TPR: variants seen among roughly 807,000 people sequenced by gnomAD.
The protein encoded by TPR is translocated promoter region, nuclear basket protein, also known as nucleoprotein TPR.
A neutral mutation model predicts 316.1 loss-of-function variants in TPR; 51 were observed. That is an observed-to-expected ratio of 0.16 (90% confidence interval 0.13 to 0.20). The LOEUF is 0.20. Ranked by LOEUF, TPR falls within the 10% of genes least tolerant of loss-of-function variation. The probability of loss-of-function intolerance (pLI) is 1.00; values close to 1 mark genes in which losing one functional copy is unlikely to be tolerated. For missense variants in TPR, 2,272 were observed against 2,754.8 expected (o/e 0.82, Z 3.92); for synonymous variants, 981 against 914.7 (o/e 1.07, Z -1.31).
At chr1:186,361,478 C>T in intron 9 of TPR, 144 bp downstream of exon 9, 1 of 673,458 alleles carries the variant, frequency 1.5e-6, no homozygotes, top group Non-Finnish European at 2.4e-6. Flanking sequence ...TCTGAATTTC[C>T]TAATCCAAAG....
intron 27 of TPR, 36 bp downstream of exon 27, chr1:186,343,290 T>C (rs1329220673): frequency 1.3e-6 from 2 of 1,587,404 alleles, no homozygotes; most frequent in Admixed American, 1.9e-5. Context: ...TCTCTTTTGA[T>C]TTAACAAGTG....
rs1240224570 is a variant in TPR, at chr1:186,351,436, T to C, written c.2504A>G (p.Gln835Arg). The C allele has an allele frequency of 1.9e-6, 3 of 1,610,626 alleles. No individual in the cohort carries two copies. The highest frequency in any genetic ancestry group is 1.7e-6 in the Non-Finnish European group (2 of 1,178,598). ...ILERSETETK[Q>R]RLSSQIEKLE... ...TTTTTCTATCTGGCTACTAAGCCTT[T>C]GTTTGGTTTCTGTTTCAGATCGCTC... Residue 835 changes from glutamine (Q) to arginine (R), a missense_variant, in exon 20 of 51, where the codon CAA becomes CGA. Coordinates refer to ENST00000367478, the MANE Select transcript of TPR (RefSeq NM_003292.3).
At chr1:186,341,628 A>T (rs1294820408) in intron 27 of TPR, 1 of 442,458 alleles carries the variant, frequency 2.3e-6, no homozygotes, top group East Asian at 3.7e-5. Context: ...CCACCAACAA[A>T]GTATTAACAT....
At chr1:186,360,567 G>C (rs538681812) in intron 10 of TPR, among the ~76,000 whole-genome samples, 198 bp downstream of exon 10, 1 of 152,126 alleles carries the variant, frequency 6.6e-6, no homozygotes, top group South Asian at 2.1e-4. Context: ...GACTGTGTGT[G>C]ATCAAATGGT....
At chr1:186,373,224 A>G (rs1659585945) in intron 2 of TPR, 135 bp downstream of exon 2, 2 of 562,300 alleles carry the variant, frequency 3.6e-6, no homozygotes, top group African/African-American at 3.7e-5. Context: ...AAATCAAAAT[A>G]TCACCATAAT....
At chr1:186,336,342 G>T (rs1658340544) in intron 33 of TPR, among the ~76,000 whole-genome samples, 154 bp downstream of exon 33, 1 of 152,054 alleles carries the variant, frequency 6.6e-6, no homozygotes, top group Non-Finnish European at 1.5e-5. Flanking sequence ...ATTGCTCTTT[G>T]TGTCCAACTA....
At chr1:186,329,033 A>G (rs1363551956) in intron 39 of TPR, among the ~76,000 whole-genome samples, 1 of 152,226 alleles carries the variant, frequency 6.6e-6, no homozygotes, top group Non-Finnish European at 1.5e-5. Context: ...TCAAAGTGAC[A>G]TGCTTATTTC....
In TPR at chr1:186,361,718, T is replaced by C; in HGVS notation, c.871-9A>G. ...GAGTCATCAGCGGCACTCTAAAAGT[T>C]AATCTTAAAAAGTTACCTAACAGTC... On this transcript the variant is annotated splice_polypyrimidine_tract_variant and intron_variant, in intron 8 of 50. Transcript: ENST00000367478. The C allele has an allele frequency of 6.2e-7, 1 of 1,613,364 alleles. No individual in the cohort carries two copies. The highest frequency in any genetic ancestry group is 8.5e-7 in the Non-Finnish European group (1 of 1,179,434).
chr1:186,360,470 C>A, intron 10 of TPR, 106 bp from the exon 11 acceptor site: 1 of 1,188,216 alleles, frequency 8.4e-7, no homozygotes, highest in South Asian at 1.6e-5. Flanking sequence ...TATAGTAATT[C>A]CTATAAAAAT....
At chr1:186,368,085 C>T (rs1344845068) in intron 3 of TPR, 103 bp from the exon 4 acceptor site, 4 of 659,700 alleles carry the variant, frequency 6.1e-6, no homozygotes, top group African/African-American at 5.4e-5. Context: ...GTGTAAATGA[C>T]TGGCTTTCTC....
At chr1:186,364,030 A>C (rs993353511) in intron 4 of TPR, among the ~76,000 whole-genome samples, 1 of 152,180 alleles carries the variant, frequency 6.6e-6, no homozygotes, top group Non-Finnish European at 1.5e-5. Context: ...GTGTGACTCT[A>C]TTGTGAGCAG....
In TPR at chr1:186,312,925, G is replaced by A. The variant is rs752479638; in HGVS notation, c.*1046C>T. On this transcript the variant is annotated 3_prime_UTR_variant, in exon 51 of 51. Transcript: ENST00000367478. The stretch of plus-strand genomic sequence containing the variant: ...GTATTAACTAACAGTTTCCCAAGGA[G>A]GTGATATCATTTGTGAAAACATGAA... 1 of 1,593,286 alleles carries A rather than the reference G, an allele frequency of 6.3e-7. No homozygotes were observed. The highest frequency in any genetic ancestry group is 8.6e-7 in the Non-Finnish European group (1 of 1,161,336).
At chr1:186,344,904 T>C (rs1658629046) in intron 24 of TPR, among the ~76,000 whole-genome samples, 1 of 152,134 alleles carries the variant, frequency 6.6e-6, no homozygotes, top group Non-Finnish European at 1.5e-5. Flanking sequence ...TATTACATTT[T>C]AAAATAGCAA....
chr1:186,327,391 G>T, intron 40 of TPR, 69 bp downstream of exon 40: 2 of 1,478,896 alleles, frequency 1.4e-6, no homozygotes, highest in Non-Finnish European at 1.8e-6. Context: ...CAATGCATTA[G>T]TATCCCAAGG....
intron 4 of TPR, among the ~76,000 whole-genome samples, chr1:186,366,566 T>C (rs1043307060): frequency 1.3e-5 from 2 of 152,210 alleles, no homozygotes; most frequent in Non-Finnish European, 2.9e-5. Context: ...AAGGGTCAAC[T>C]GTAGTTCTCA....
chr1:186,365,426 T>C (rs748200402), intron 4 of TPR, among the ~76,000 whole-genome samples: 1 of 152,168 alleles, frequency 6.6e-6, no homozygotes, highest in Non-Finnish European at 1.5e-5. Context: ...CTTTTGACTT[T>C]AGACACTGTC....
chr1:186,337,984 A>G lies in TPR; in HGVS notation c.4362+49T>C, dbSNP rs1293692466. ...CAAAATTACAAAGAAATAAGATTTC[A>G]TAACATTCATCCTAGTTTTTTTTTG... On this transcript the variant is annotated intron_variant, in intron 31 of 50. Transcript: ENST00000367478. The G allele has an allele frequency of 5.6e-6, 8 of 1,426,254 alleles. No homozygotes were observed. In the African/African-American group the frequency reaches 7.2e-5, roughly 13 times the overall value. The allele number at this position is 1,426,254 out of a possible 1,614,324, so 88.3% of individuals were successfully genotyped here. A position where few individuals can be genotyped will look rare whatever the true frequency, so the allele number is the denominator to read the frequency against.
At chr1:186,332,970 G>T in intron 37 of TPR, 152 bp downstream of exon 37, 1 of 860,118 alleles carries the variant, frequency 1.2e-6, no homozygotes, top group Non-Finnish European at 1.7e-6. Flanking sequence ...AAGAATACTT[G>T]TGATACGTAT....
chr1:186,335,080 C>G lies in TPR; in HGVS notation c.4961G>C (p.Gly1654Ala). The part of the protein sequence containing the change: ...QITLKTTPAS[G>A]ERGIASTSDP... ...AACTAAAACTCACATTCCTCTTTCA[C>G]CAGAAGCTGGAGTTGTTTTCAATGT... The change falls in exon 35 of 51, where the codon GGT (glycine) becomes GCT (alanine). Residue 1654 changes from glycine to alanine, a missense_variant. This residue lies in a region of TPR where 109 missense variants were observed against 215.3 expected (regional missense o/e 0.51). Coordinates refer to ENST00000367478, the MANE Select transcript of TPR (RefSeq NM_003292.3). The G allele has an allele frequency of 6.2e-6, 10 of 1,612,664 alleles. No individual in the cohort carries two copies. The highest frequency in any genetic ancestry group is 7.6e-6 in the Non-Finnish European group (9 of 1,179,344).
Sources: allele counts gnomAD v4.1 joint callset (sites outside exome capture counted in the v4.1 genomes callset), GRCh38; gene constraint gnomAD v4.1.1; regional missense constraint gnomAD v4.1.1; transcripts MANE v1.5; gene names NCBI Gene and HGNC (gene_info 2026-07-23, HGNC 2026-07-21).